FBXL13: variants seen among roughly 807,000 people sequenced by gnomAD.
FBXL13 encodes F-box and leucine-rich repeat protein 13.
FBXL13 carries 67 observed loss-of-function variants against 83.6 expected under a neutral mutation model. The ratio of observed to expected loss-of-function variants is 0.80; its 90% confidence interval spans 0.66 to 0.98. The LOEUF (loss-of-function observed/expected upper bound fraction) is 0.98, where lower values mean the gene tolerates loss of function less well. FBXL13 is among the 50% of genes least tolerant of loss of function. The pLI is 0.00. For missense variants in FBXL13, 822 were observed against 866.5 expected, an observed-to-expected ratio of 0.95 and a Z score of 0.64; for synonymous variants, 272 against 299.5, an observed-to-expected ratio of 0.91 and a Z score of 0.95.
Position 102,877,602 on chromosome 7 carries a change from AAGT to A in FBXL13, c.1509-12_1509-10del, listed in dbSNP as rs1421240878. 6.2e-7 allele frequency: 1 copy of A among 1,602,070 alleles called. No individual in the cohort carries two copies. Reference sequence around the variant, plus strand: ...AGTTTAAATTAGGGCAGCTAAAAGAAAGTAGCATGGATTAATTTTAGCTGTCAA... The same window carrying A: ...AGTTTAAATTAGGGCAGCTAAAAGAAAGCATGGATTAATTTTAGCTGTCAA... On this transcript the variant is annotated splice_polypyrimidine_tract_variant and intron_variant, in intron 15 of 19. Coordinates refer to ENST00000313221, the Ensembl canonical transcript of FBXL13.
intron 19 of FBXL13, among the ~76,000 whole-genome samples, chr7:102,815,530 C>T (rs1214449898): frequency 6.6e-6 from 1 of 152,130 alleles, no homozygotes; most frequent in Non-Finnish European, 1.5e-5. Context: ...CTCCCAAACA[C>T]CAGAGTTCTG....
intron 6 of FBXL13, among the ~76,000 whole-genome samples, chr7:103,017,789 A>G (rs941492577): frequency 2.0e-4 from 30 of 152,228 alleles, no homozygotes; most frequent in African/African-American, 6.8e-4. Context: ...AAGAGTAAAA[A>G]GAAATGAACA....
chr7:102,918,186 C>G (rs897764355), intron 10 of FBXL13, among the ~76,000 whole-genome samples: 1 of 151,968 alleles, frequency 6.6e-6, no homozygotes, highest in Non-Finnish European at 1.5e-5. Context: ...GAAAATAGAG[C>G]AAAAACAGAG....
intron 8 of FBXL13, among the ~76,000 whole-genome samples, chr7:102,955,575 C>CAA (rs546125880): frequency 4.0e-5 from 6 of 148,188 alleles, no homozygotes; most frequent in African/African-American, 1.0e-4. Flanking sequence ...AAAAACCATT[C>CAA]AAAAAAAAAC....
At chr7:102,907,482 C>T (rs553375776) in intron 11 of FBXL13, among the ~76,000 whole-genome samples, 5 of 151,842 alleles carry the variant, frequency 3.3e-5, no homozygotes, top group South Asian at 4.2e-4. Context: ...CCCGCCCCCC[C>T]ACAACAGGCC....
At chr7:102,822,233 T>C (rs181063199) in intron 18 of FBXL13, 30 bp from the exon 20 acceptor site, 3 of 1,607,266 alleles carry the variant, frequency 1.9e-6, no homozygotes, top group African/African-American at 2.7e-5. Context: ...AAGTACTGGT[T>C]ATTCAAACAC....
At chr7:102,838,899 C>T (rs1802450103) in intron 17 of FBXL13, among the ~76,000 whole-genome samples, 1 of 152,096 alleles carries the variant, frequency 6.6e-6, no homozygotes, top group Non-Finnish European at 1.5e-5. Context: ...TGGCAAAGAC[C>T]TCGTGGGATG....
intron 11 of FBXL13, among the ~76,000 whole-genome samples, chr7:102,895,690 T>C (rs1277904611): frequency 1.3e-5 from 2 of 151,944 alleles, no homozygotes; most frequent in African/African-American, 2.4e-5. Context: ...AATGGGAGAA[T>C]TGTTGGAGTT....
rs369793434 is a variant in FBXL13, at chr7:102,963,622, A to G, written c.635T>C (p.Ile212Thr). ...ACGCCACCTTTGCAAAGTAGACACTATATATTTATCTGGAATCACATTTTT... is the reference window on the plus strand; with the variant it reads ...ACGCCACCTTTGCAAAGTAGACACTGTATATTTATCTGGAATCACATTTTT... Residue 212 changes from isoleucine to threonine, a missense_variant, in exon 8 of 20, where the codon ATA becomes ACA. By Grantham distance (89) the Ile-to-Thr change is moderately conservative. Transcript: ENST00000313221. 12 of 1,609,008 alleles carry G rather than the reference A, an allele frequency of 7.5e-6. No individual in the cohort carries two copies. The African/African-American group carries it at 1.6e-4, about 22-fold the overall frequency.
chr7:103,016,539 C>T (rs1470724662), intron 6 of FBXL13, among the ~76,000 whole-genome samples: 4 of 152,036 alleles, frequency 2.6e-5, no homozygotes, highest in Admixed American at 6.6e-5. Context: ...TGGTCTCACC[C>T]GGGAAGCATA....
intron 8 of FBXL13, among the ~76,000 whole-genome samples, chr7:102,958,661 G>C (rs1460414189): frequency 6.6e-6 from 1 of 151,662 alleles, no homozygotes; most frequent in Non-Finnish European, 1.5e-5. Flanking sequence ...ATAATAAATT[G>C]GTTAAAAATG....
intron 10 of FBXL13, among the ~76,000 whole-genome samples, chr7:102,919,780 A>G (rs1816635620): frequency 6.6e-6 from 1 of 152,214 alleles, no homozygotes; most frequent in Non-Finnish European, 1.5e-5. Flanking sequence ...TCAGAGATCA[A>G]TGGCTAAACT....
At chr7:102,967,482 A>G (rs1826109731) in intron 7 of FBXL13, among the ~76,000 whole-genome samples, 1 of 152,224 alleles carries the variant, frequency 6.6e-6, no homozygotes, top group Non-Finnish European at 1.5e-5. Flanking sequence ...CATGTTGGCC[A>G]GGCTGTTCTC....
Position 102,854,882 on chromosome 7 carries a change from A to T in FBXL13, c.1636-22T>A, listed in dbSNP as rs368937400. 35 of 1,366,844 alleles carry T rather than the reference A, an allele frequency of 2.6e-5. No individual in the cohort carries two copies. In the African/African-American group the frequency reaches 4.8e-4, roughly 19 times the overall value. 84.7% of individuals were successfully genotyped at this position (1,366,844 alleles called of 1,614,324 possible). On this transcript the variant is annotated intron_variant, in intron 16 of 19. Transcript: ENST00000313221. The stretch of plus-strand genomic sequence containing the variant: ...AACCCTAAAAATATTTAATATAAAG[A>T]TCATTTTGTGATTATCATTTAGTAT...
chr7:102,873,112 A>C (rs1808743847), intron 16 of FBXL13, among the ~76,000 whole-genome samples: 1 of 152,164 alleles, frequency 6.6e-6, no homozygotes, highest in African/African-American at 2.4e-5. Flanking sequence ...TTTGCTGATC[A>C]ACTTCTTCAT....
intron 6 of FBXL13, among the ~76,000 whole-genome samples, chr7:102,991,260 A>G (rs1458374770): frequency 6.6e-6 from 1 of 152,230 alleles, no homozygotes. Context: ...AGTGCCATTC[A>G]TTGAGAAACA....
chr7:102,864,708 A>C (rs1001064995), intron 16 of FBXL13, among the ~76,000 whole-genome samples: 1 of 151,828 alleles, frequency 6.6e-6, no homozygotes, highest in African/African-American at 2.4e-5. Context: ...GTTGTGGTGC[A>C]ATGCCTCCAT....
intron 19 of FBXL13, among the ~76,000 whole-genome samples, chr7:102,816,942 T>G (rs771585053): frequency 6.6e-5 from 10 of 152,360 alleles, no homozygotes; most frequent in Admixed American, 1.3e-4. Context: ...ATGATTTCAT[T>G]ATTTTTTATG....
chr7:102,823,281 T>A (rs1248568078), intron 18 of FBXL13, among the ~76,000 whole-genome samples: 1 of 152,150 alleles, frequency 6.6e-6, no homozygotes, highest in Non-Finnish European at 1.5e-5. Flanking sequence ...TTTAATAACA[T>A]TACATGCTAC....
Sources: allele counts gnomAD v4.1 joint callset (sites outside exome capture counted in the v4.1 genomes callset), GRCh38; gene constraint gnomAD v4.1.1; transcripts MANE v1.5; gene names NCBI Gene and HGNC (gene_info 2026-07-23, HGNC 2026-07-21).